The following ACYP1 variants were observed in gnomAD, a reference collection of about 807,000 sequenced individuals.
ACYP1 encodes the protein acylphosphatase 1.
Under a neutral mutation model 10.4 loss-of-function variants are expected in ACYP1, and 8 were observed. That is an observed-to-expected ratio of 0.77 (90% CI 0.45 to 1.38). The LOEUF is 1.38. Ranked by LOEUF, ACYP1 falls within the 40% of genes most tolerant of loss-of-function variation. The probability of loss-of-function intolerance (pLI) is 0.00; values close to 1 mark genes in which losing one functional copy is unlikely to be tolerated. For missense variants in ACYP1, 93 were observed against 117.3 expected, an observed-to-expected ratio of 0.79 and a Z score of 0.96; for synonymous variants, 38 against 40.8, an observed-to-expected ratio of 0.93 and a Z score of 0.26.
At chr14:75,064,175 C>CT, upstream of ACYP1, 3 of 290,090 alleles carry the variant, frequency 1.0e-5, no homozygotes, top group Non-Finnish European at 1.5e-5. Flanking sequence ...AACCCAAAAG[C>CT]TTTGGGTTGG....
chr14:75,061,565 G>T, intron 2 of ACYP1: 1 of 488,710 alleles, frequency 2.0e-6, no homozygotes, highest in South Asian at 4.7e-5. Context: ...TTTAAACTGG[G>T]GAGAGGGGCA....
At chr14:75,061,624 A>G in intron 2 of ACYP1, 1 of 1,308,010 alleles carries the variant, frequency 7.6e-7, no homozygotes, top group Non-Finnish European at 1.1e-6. Flanking sequence ...CTTTTCCCTC[A>G]ACAACTTTGA....
intron 2 of ACYP1, among the ~76,000 whole-genome samples, chr14:75,061,136 T>C (rs964240309): frequency 6.6e-6 from 1 of 152,050 alleles, no homozygotes; most frequent in Non-Finnish European, 1.5e-5. Flanking sequence ...AGACAGAAAG[T>C]AGGTTAGTGG....
chr14:75,060,511 A>AT (rs1892989309), intron 2 of ACYP1, among the ~76,000 whole-genome samples: 1 of 152,242 alleles, frequency 6.6e-6, no homozygotes, highest in Admixed American at 6.5e-5. Flanking sequence ...AACTGAAAAC[A>AT]TTGTCTACAT....
At chr14:75,065,113 G>T (rs1360210007), upstream of ACYP1, among the ~76,000 whole-genome samples, 2 of 152,248 alleles carry the variant, frequency 1.3e-5, no homozygotes, top group Non-Finnish European at 2.9e-5. Context: ...TTGTCAAGGG[G>T]GATGTGGATG....
At chr14:75,066,219 CTA>C (rs1893139920), upstream of ACYP1, among the ~76,000 whole-genome samples, 1 of 152,084 alleles carries the variant, frequency 6.6e-6, no homozygotes, top group Non-Finnish European at 1.5e-5. Context: ...CAACTTTATT[CTA>C]TAGGTAAAGA....
intron 2 of ACYP1, among the ~76,000 whole-genome samples, chr14:75,055,079 CTTTTTTTT>C (rs33920224): frequency 5.3e-5 from 4 of 75,084 alleles, no homozygotes; most frequent in African/African-American, 1.2e-4. Flanking sequence ...TATCTGAACT[CTTTTTTTT>C]TTTTTTTTTT....
At chr14:75,062,269 G>GA (rs748467575) in intron 2 of ACYP1, among the ~76,000 whole-genome samples, 2,638 of 110,552 alleles carry the variant, frequency 0.024, 25 homozygotes, top group Middle Eastern at 0.08. Flanking sequence ...TGTTAAAAGA[G>GA]AAAAAAAAAA....
intron 2 of ACYP1, chr14:75,063,243 C>A (rs1426827899): frequency 1.9e-6 from 1 of 524,772 alleles, no homozygotes; most frequent in African/African-American, 1.9e-5. Context: ...ATATGTGTAT[C>A]TAGATGCTCA....
upstream of ACYP1, chr14:75,064,137 G>A (rs1239462940): frequency 2.9e-6 from 2 of 696,116 alleles, no homozygotes; most frequent in African/African-American, 1.9e-5. Context: ...CGCCCAGAAG[G>A]TGGGATTTCA....
intron 2 of ACYP1, among the ~76,000 whole-genome samples, chr14:75,055,635 A>T (rs1892859598): frequency 6.6e-6 from 1 of 151,540 alleles, no homozygotes; most frequent in African/African-American, 2.4e-5. Flanking sequence ...ATCTGACAAC[A>T]TTTCAAGGAC....
intron 2 of ACYP1, among the ~76,000 whole-genome samples, chr14:75,056,162 C>A (rs1892872571): frequency 6.6e-6 from 1 of 151,180 alleles, no homozygotes; most frequent in Admixed American, 6.6e-5. Flanking sequence ...GACCAGATGG[C>A]TTCATGGGTA....
chr14:75,065,245 C>T (rs1022251337), upstream of ACYP1, among the ~76,000 whole-genome samples: 3 of 152,210 alleles, frequency 2.0e-5, no homozygotes, highest in African/African-American at 4.8e-5. Context: ...ATACATTACA[C>T]CTCTTCATAA....
At chr14:75,065,969 C>T (rs1893135452), upstream of ACYP1, among the ~76,000 whole-genome samples, 1 of 152,190 alleles carries the variant, frequency 6.6e-6, no homozygotes, top group African/African-American at 2.4e-5. Flanking sequence ...GTACAAGTAG[C>T]CAGTTGTGGC....
intron 2 of ACYP1, chr14:75,062,984 A>G (rs1320250503): frequency 6.5e-6 from 1 of 154,142 alleles, no homozygotes. Context: ...ATGTTCTTTC[A>G]AAACCAAAAA....
chr14:75,060,233 G>A (rs1206325887), intron 2 of ACYP1: 8 of 688,000 alleles, frequency 1.2e-5, no homozygotes, highest in Non-Finnish European at 2.1e-5. Context: ...AACATTCCTT[G>A]ATTTAAATCC....
In ACYP1 at chr14:75,063,959, T is replaced by C. The variant is rs966104216; in HGVS notation, c.-14A>G. 56 of 999,364 alleles carry C rather than the reference T, an allele frequency of 5.6e-5. No homozygotes were observed. Among genetic ancestry groups the C allele is most frequent in the Middle Eastern group, 5.1e-4 (1 of 1,966 alleles). 61.9% of individuals were successfully genotyped at this position (999,364 alleles called of 1,614,324 possible). On this transcript the variant is annotated 5_prime_UTR_variant, in exon 1 of 3. Transcript: ENST00000238618. ...GGGGGCCCCTGGCGGCTCACCCTCC[T>C]TGTCTTCCCCACCGGCTGCCAGGAT...
intron 1 of ACYP1, 81 bp from the exon 2 acceptor site, chr14:75,063,642 AC>A: frequency 8.8e-7 from 1 of 1,130,102 alleles, no homozygotes; most frequent in Admixed American, 1.9e-5. Context: ...GGCCACACCC[AC>A]CCCTGTCCAT....
In ACYP1 at chr14:75,063,990, C is replaced by T. The variant is rs758622632; in HGVS notation, c.-45G>A. The T allele has an allele frequency of 1.6e-4, 160 of 992,932 alleles. No homozygotes were observed. The highest frequency in any genetic ancestry group is 1.8e-4 in the Non-Finnish European group (154 of 834,120). 61.5% of individuals were successfully genotyped at this position (992,932 alleles called of 1,614,324 possible). A position where few individuals can be genotyped will look rare whatever the true frequency, so the allele number is the denominator to read the frequency against. On this transcript the variant is annotated 5_prime_UTR_variant, in exon 1 of 3. Transcript: ENST00000238618. Reference sequence around the variant, plus strand: ...TCCCCACCGGCTGCCAGGATCACTCCGGGACCACCACGCCAACGGCTCACC... The same window carrying T: ...TCCCCACCGGCTGCCAGGATCACTCTGGGACCACCACGCCAACGGCTCACC...
Sources: gnomAD v4.1 joint callset for allele counts (sites outside exome capture counted in the v4.1 genomes callset) on GRCh38, gnomAD v4.1.1 for gene constraint, MANE v1.5 for transcripts, NCBI Gene and HGNC (gene_info 2026-07-23, HGNC 2026-07-21) for gene names.